The following MYBL1 variants were observed in gnomAD, a reference collection of about 807,000 sequenced individuals.
MYBL1 encodes myb-related protein A.
MYBL1 carries 17 observed loss-of-function variants against 96.3 expected under a neutral mutation model. That is an observed-to-expected ratio of 0.18 (90% confidence interval 0.12 to 0.26). The LOEUF (loss-of-function observed/expected upper bound fraction) is 0.26. Among genes scored for constraint, MYBL1 ranks in the 10% least tolerant of loss-of-function variants. The probability of loss-of-function intolerance (pLI) is 1.00; values close to 1 mark genes in which losing one functional copy is unlikely to be tolerated. For missense variants in MYBL1, 701 were observed against 882.9 expected (o/e 0.79, Z 2.61); for synonymous variants, 282 against 292.7 (o/e 0.96, Z 0.37).
In MYBL1 at chr8:66,580,138, C is replaced by T. The variant is rs1402198703; in HGVS notation, c.1096G>A (p.Glu366Lys). The change falls in exon 9 of 16, where the codon GAA (glutamate) becomes AAA (lysine). Residue 366 changes from glutamate (E) to lysine (K), a missense_variant. Around this residue, in one of 5 missense-constraint regions of MYBL1, gnomAD observed 396 missense variants for 407.4 expected, o/e 0.97. Coordinates refer to ENST00000522677, the MANE Select transcript of MYBL1 (RefSeq NM_001080416.4). ...TCTTACAATTTTTTACTTACAGATT[C>T]AATAAGTTCTAGAGTCTCTGCAAAT... ...PEFAETLELI[E>K]SDPVAWSDVT... 7.5e-6 allele frequency: 12 copies of T among 1,599,476 alleles called. No individual in the cohort carries two copies. The highest frequency in any genetic ancestry group is 1.0e-5 in the Non-Finnish European group (12 of 1,168,616).
chr8:66,581,688 A>G (rs1293126400), intron 8 of MYBL1, among the ~76,000 whole-genome samples: 1 of 152,190 alleles, frequency 6.6e-6, no homozygotes, highest in Non-Finnish European at 1.5e-5. Context: ...AGAAAATTAA[A>G]AATAAAAACT....
At chr8:66,607,290 G>A (rs376530144) in intron 1 of MYBL1, among the ~76,000 whole-genome samples, 6 of 152,100 alleles carry the variant, frequency 3.9e-5, no homozygotes, top group East Asian at 3.8e-4. Flanking sequence ...GAAAGCTACC[G>A]AATCAGATAA....
In MYBL1 at chr8:66,595,606, T is replaced by C. The variant is rs777387013; in HGVS notation, c.664A>G (p.Asn222Asp). 1 of 1,580,672 alleles carries C rather than the reference T, an allele frequency of 6.3e-7. No homozygotes were observed. The highest frequency in any genetic ancestry group is 8.6e-7 in the Non-Finnish European group (1 of 1,163,870). Residue 222 changes from asparagine to aspartate, a missense_variant, in exon 6 of 16, where the codon AAT becomes GAT. Asn to Asp is a conservative substitution (Grantham distance 23, BLOSUM62 1). Coordinates refer to ENST00000522677, the MANE Select transcript of MYBL1 (RefSeq NM_001080416.4). ...CAAMDHMQTQNQFYIPVQIPG... is the reference protein window; with the variant it reads ...CAAMDHMQTQDQFYIPVQIPG... ...GCCTGAACAGGTATGTAAAACTGAT[T>C]CTGGGTTTGCATATGATCCATAGCT...
chr8:66,566,137 T>G lies in MYBL1; in HGVS notation c.2057A>C (p.Lys686Thr). 1 of 1,544,606 alleles carries G rather than the reference T, an allele frequency of 6.5e-7. No individual in the cohort carries two copies. The highest frequency in any genetic ancestry group is 8.8e-7 in the Non-Finnish European group (1 of 1,140,176). ...TTTCTTTTTAGTAAGTGTATATGTT[T>G]TGTTGGTTGAATTTATATCTTGTTT... ...PEKQDINSTN[K>T]TYTLTKKKPN... is the part of the protein sequence containing the mutation. Residue 686 changes from lysine (K) to threonine (T), a missense_variant, in exon 15 of 16, where the codon AAA becomes ACA. By Grantham distance (78) the Lys-to-Thr change is moderately conservative. Around this residue, in one of 5 missense-constraint regions of MYBL1, gnomAD observed 137 missense variants for 137.5 expected, o/e 1.00. Transcript: ENST00000522677.
intron 10 of MYBL1, among the ~76,000 whole-genome samples, chr8:66,575,695 C>T (rs1038030180): frequency 2.0e-5 from 3 of 151,944 alleles, no homozygotes; most frequent in African/African-American, 4.8e-5. Flanking sequence ...GGGGCTGAGG[C>T]GGGAAGATCA....
chr8:66,599,599 G>C (rs922598742), intron 3 of MYBL1, among the ~76,000 whole-genome samples: 8 of 152,114 alleles, frequency 5.3e-5, no homozygotes, highest in Non-Finnish European at 1.0e-4. Context: ...TCTGGAGTTC[G>C]AGACCAGCCT....
chr8:66,593,062 G>C (rs914688638), intron 7 of MYBL1, 58 bp downstream of exon 7: 1 of 1,088,284 alleles, frequency 9.2e-7, no homozygotes, highest in South Asian at 1.4e-5. Context: ...ATACTATTAG[G>C]CTTTTAAAAA....
At chr8:66,586,042 G>GTTTTTTTTT (rs578179482) in intron 8 of MYBL1, among the ~76,000 whole-genome samples, 1 of 105,828 alleles carries the variant, frequency 9.4e-6, no homozygotes, top group African/African-American at 3.6e-5. Flanking sequence ...GTTTTTTGGT[G>GTTTTTTTTT]TTTTTTTTTT....
At position 66,564,511 on chromosome 8, in the gene MYBL1, T is replaced by C. The variant is rs533060729; in HGVS notation, c.*186A>G. 7 of 371,714 alleles carry C rather than the reference T, an allele frequency of 1.9e-5. No individual in the cohort carries two copies. In the South Asian group the frequency reaches 4.1e-4, roughly 22 times the overall value. The allele number at this position is 371,714 out of a possible 1,614,324, so 23.0% of individuals were successfully genotyped here. A position where few individuals can be genotyped will look rare whatever the true frequency, so the allele number is the denominator to read the frequency against. On this transcript the variant is annotated 3_prime_UTR_variant, in exon 16 of 16. Transcript: ENST00000522677. ...ATCTCATCTCTTAAAAAATAAACTA[T>C]GAAACTATCTACCCCTTAAGTGACT...
intron 5 of MYBL1, 31 bp downstream of exon 5, chr8:66,597,299 C>T (rs1313867526): frequency 7.0e-7 from 1 of 1,434,998 alleles, no homozygotes; most frequent in Non-Finnish European, 9.3e-7. Flanking sequence ...TGTTTAAGTA[C>T]AGAAAAATAT....
chr8:66,571,452 T>C (rs1467452847), intron 12 of MYBL1, among the ~76,000 whole-genome samples: 1 of 152,228 alleles, frequency 6.6e-6, no homozygotes, highest in Non-Finnish European at 1.5e-5. Context: ...TCCTAATTAG[T>C]TTCCTAAAGA....
chr8:66,566,675 T>C lies in MYBL1; in HGVS notation c.1950+9A>G. On this transcript the variant is annotated intron_variant, in intron 14 of 15. Coordinates refer to ENST00000522677, the MANE Select transcript of MYBL1 (RefSeq NM_001080416.4). ...TTTAAAATAACAACAATAATAATCC[T>C]TTACAAACCTGCATGTCTGAAATGT... 6.4e-7 allele frequency: 1 copy of C among 1,554,104 alleles called. No individual in the cohort carries two copies. Among genetic ancestry groups the C allele is most frequent in the Non-Finnish European group, 8.8e-7 (1 of 1,132,948 alleles).
chr8:66,575,992 A>G lies in MYBL1; in HGVS notation c.1470+15T>C, dbSNP rs1197993287. ...CATTGACATTTAGAAACATAAACAA[A>G]ATGAACACCACTACCTGTGAAGGAG... On this transcript the variant is annotated intron_variant, in intron 10 of 15. Transcript: ENST00000522677. The G allele has an allele frequency of 6.3e-7, 1 of 1,594,964 alleles. No homozygotes were observed. Among genetic ancestry groups the G allele is most frequent in the African/African-American group, 1.3e-5 (1 of 74,396 alleles).
chr8:66,576,183 A>C lies in MYBL1; in HGVS notation c.1294T>G (p.Leu432Val), dbSNP rs769877883. 1.9e-6 allele frequency: 3 copies of C among 1,613,878 alleles called. No homozygotes were observed. The African/African-American group carries it at 4.0e-5, about 22-fold the overall frequency. The change falls in exon 10 of 16, where the codon TTA becomes GTA. Residue 432 changes from leucine (L) to valine (V), a missense_variant. Around this residue, in one of 5 missense-constraint regions of MYBL1, gnomAD observed 396 missense variants for 407.4 expected, o/e 0.97. Transcript: ENST00000522677. Reference protein sequence around the residue: ...CNGGNSEAVPLTSPNIAKFST... With the variant: ...CNGGNSEAVPVTSPNIAKFST... ...AACTTGGCTATATTTGGGGATGTTA[A>C]AGGAACAGCTTCACTGTTGCCACCA... is the stretch of plus-strand genomic sequence containing the variant.
chr8:66,602,180 G>T (rs1435058019), intron 2 of MYBL1, among the ~76,000 whole-genome samples: 1 of 151,800 alleles, frequency 6.6e-6, no homozygotes, highest in East Asian at 1.9e-4. Context: ...CTCCCAAGTA[G>T]GATTAGGATT....
chr8:66,585,863 A>T (rs1809397975), intron 8 of MYBL1, among the ~76,000 whole-genome samples: 1 of 152,118 alleles, frequency 6.6e-6, no homozygotes, highest in Non-Finnish European at 1.5e-5. Flanking sequence ...ATTATATTAA[A>T]CTAAAAAGCT....
chr8:66,569,781 G>A (rs936270058), intron 12 of MYBL1, among the ~76,000 whole-genome samples: 4 of 152,220 alleles, frequency 2.6e-5, no homozygotes, highest in East Asian at 1.9e-4. Context: ...TCTCTTAATT[G>A]TTCTAATGTG....
At chr8:66,599,283 G>A (rs1038470576) in intron 3 of MYBL1, 141 bp from the exon 4 acceptor site, 1 of 508,540 alleles carries the variant, frequency 2.0e-6, no homozygotes, top group Non-Finnish European at 3.4e-6. Context: ...TAACATTTAT[G>A]TTACATATCT....
intron 3 of MYBL1, among the ~76,000 whole-genome samples, chr8:66,600,003 T>C (rs896559351): frequency 4.6e-5 from 7 of 152,214 alleles, no homozygotes; most frequent in Non-Finnish European, 1.0e-4. Flanking sequence ...TACATTTCAA[T>C]TAAATTGGTT....
Sources: gnomAD v4.1 joint callset for allele counts (sites outside exome capture counted in the v4.1 genomes callset) on GRCh38, gnomAD v4.1.1 for gene constraint, gnomAD v4.1.1 regional missense constraint, MANE v1.5 for transcripts, NCBI Gene and HGNC (gene_info 2026-07-23, HGNC 2026-07-21) for gene names.